Variants in PDSS2 observed in about 807,000 individuals in gnomAD.
PDSS2 encodes the protein decaprenyl diphosphate synthase subunit 2, also known as all trans-polyprenyl-diphosphate synthase PDSS2.
A neutral mutation model predicts 44.5 loss-of-function variants in PDSS2; 31 were observed. The observed-to-expected ratio is 0.70, with a 90% confidence interval of 0.52 to 0.94. The LOEUF is 0.94. Ranked by LOEUF, PDSS2 falls within the 40% of genes least tolerant of loss-of-function variation. The pLI, the probability that PDSS2 is intolerant of heterozygous loss-of-function variation, is 0.00. For missense variants in PDSS2, 452 were observed against 482.2 expected (o/e 0.94, Z 0.59); for synonymous variants, 157 against 180.3 (o/e 0.87, Z 1.03).
chr6:107,360,035 C>T (rs943051791), intron 1 of PDSS2, among the ~76,000 whole-genome samples: 2 of 152,114 alleles, frequency 1.3e-5, no homozygotes, highest in Non-Finnish European at 2.9e-5. Flanking sequence ...ATCCAGTGAC[C>T]TAGGAGCATT....
At chr6:107,261,158 A>C (rs1775208728) in intron 3 of PDSS2, among the ~76,000 whole-genome samples, 1 of 152,126 alleles carries the variant, frequency 6.6e-6, no homozygotes. Context: ...GCAGCTGCCT[A>C]TCTCTTCTCC....
chr6:107,288,765 T>G (rs1776243871), intron 2 of PDSS2, among the ~76,000 whole-genome samples: 1 of 144,690 alleles, frequency 6.9e-6, no homozygotes, highest in Admixed American at 6.9e-5. Flanking sequence ...TTTTTTTTTT[T>G]TTTTTTTTTT....
At chr6:107,322,059 T>C (rs890452546) in intron 2 of PDSS2, among the ~76,000 whole-genome samples, 1 of 152,234 alleles carries the variant, frequency 6.6e-6, no homozygotes, top group South Asian at 2.1e-4. Context: ...CCTACACTCT[T>C]GCACATACCC....
At position 107,237,587 on chromosome 6, in the gene PDSS2, G is replaced by A. The variant is rs144728065; in HGVS notation, c.702+7961C>T. On this transcript the variant is annotated intron_variant, in intron 4 of 7. Coordinates refer to ENST00000369037, the MANE Select transcript of PDSS2 (RefSeq NM_020381.4). ...CTTTACTTGAAAGCTGCCTGAGAGC[G>A]AAAGGAACATAAGCATAAAGAAAAA... Among the ~76,000 whole-genome samples the A allele has an allele frequency of 2.8e-3, 426 of 151,338 alleles. 2 individuals are homozygous for A. Among genetic ancestry groups the A allele is most frequent in the African/African-American group, 9.0e-3 (373 of 41,258 alleles).
At position 107,153,187 on chromosome 6, in the gene PDSS2, C is replaced by T. The variant is rs541800250; in HGVS notation, c.*1432G>A. On this transcript the variant is annotated 3_prime_UTR_variant, in exon 8 of 8. Coordinates refer to ENST00000369037, the MANE Select transcript of PDSS2 (RefSeq NM_020381.4). ...GGTAATAAAATCTGTTTGCTGTATT[C>T]GCTGTCTCCAGATAGGGCTGTAATT... is the stretch of plus-strand genomic sequence containing the variant. 4 of 152,630 alleles carry T rather than the reference C, an allele frequency of 2.6e-5. No homozygotes were observed. Among genetic ancestry groups the T allele is most frequent in the East Asian group, 1.9e-4 (1 of 5,182 alleles). The allele number at this position is 152,630 out of a possible 1,614,324, so 9.5% of individuals were successfully genotyped here.
At chr6:107,326,437 C>T (rs1412253974) in intron 2 of PDSS2, among the ~76,000 whole-genome samples, 3 of 152,030 alleles carry the variant, frequency 2.0e-5, no homozygotes, top group Admixed American at 2.0e-4. Flanking sequence ...TTTAAAAGCA[C>T]ATAGAGGACA....
intron 7 of PDSS2, among the ~76,000 whole-genome samples, chr6:107,177,878 G>T (rs1771848502): frequency 6.6e-6 from 1 of 152,122 alleles, no homozygotes; most frequent in Non-Finnish European, 1.5e-5. Flanking sequence ...TAATTAAAAA[G>T]AATACTGTGG....
intron 4 of PDSS2, among the ~76,000 whole-genome samples, chr6:107,243,019 A>G (rs906932528): frequency 6.6e-6 from 1 of 152,240 alleles, no homozygotes; most frequent in Non-Finnish European, 1.5e-5. Context: ...GTATTTAAAT[A>G]AAGTCAGCAA....
At chr6:107,157,705 C>G (rs1770955309) in intron 7 of PDSS2, among the ~76,000 whole-genome samples, 1 of 151,798 alleles carries the variant, frequency 6.6e-6, no homozygotes, top group Non-Finnish European at 1.5e-5. Flanking sequence ...GAGTCTCCCT[C>G]TATCACCCAG....
At chr6:107,210,371 A>T in intron 6 of PDSS2, 68 bp downstream of exon 6, 2 of 1,167,790 alleles carry the variant, frequency 1.7e-6, no homozygotes, top group Non-Finnish European at 2.6e-6. Flanking sequence ...ATCACCAAGA[A>T]ATATCAATTA....
intron 4 of PDSS2, among the ~76,000 whole-genome samples, chr6:107,229,528 A>T (rs566452311): frequency 4.4e-4 from 67 of 151,764 alleles, no homozygotes; most frequent in Non-Finnish European, 7.4e-4. Context: ...TTCAATATAA[A>T]CCCCCTTCTA....
At chr6:107,309,674 G>A (rs1017429400) in intron 2 of PDSS2, among the ~76,000 whole-genome samples, 6 of 152,270 alleles carry the variant, frequency 3.9e-5, no homozygotes, top group African/African-American at 4.8e-5. Flanking sequence ...CTGTCATTGC[G>A]AATCCTTGAT....
At position 107,218,237 on chromosome 6, in the gene PDSS2, G is replaced by A. The variant is rs568216399; in HGVS notation, c.703-5955C>T. ...TTATTTGACTTTGACAAAGGTTACA[G>A]TCTGTTGTTCACCCAACTGCCAGGG... On this transcript the variant is annotated intron_variant, in intron 4 of 7. Coordinates refer to ENST00000369037, the MANE Select transcript of PDSS2 (RefSeq NM_020381.4). 2.6e-5 allele frequency among the ~76,000 whole-genome samples: 4 copies of A among 152,276 alleles called. No homozygotes were observed. In the South Asian group the frequency reaches 8.3e-4, roughly 32 times the overall value.
chr6:107,354,678 G>A (rs1282680687), intron 1 of PDSS2, among the ~76,000 whole-genome samples: 3 of 152,134 alleles, frequency 2.0e-5, no homozygotes, highest in African/African-American at 7.2e-5. Context: ...AGTAGGCTGG[G>A]GCTCCCCAGG....
At chr6:107,208,601 G>C (rs1773087974) in intron 6 of PDSS2, among the ~76,000 whole-genome samples, 1 of 148,332 alleles carries the variant, frequency 6.7e-6, no homozygotes, top group Admixed American at 6.9e-5. Flanking sequence ...ACCACACCTG[G>C]CCTGTGACTT....
intron 4 of PDSS2, among the ~76,000 whole-genome samples, chr6:107,238,914 A>C (rs1194101371): frequency 6.6e-6 from 1 of 152,082 alleles, no homozygotes; most frequent in Non-Finnish European, 1.5e-5. Flanking sequence ...TTTTTTAAGC[A>C]AATAGTATGA....
At position 107,399,165 on chromosome 6, in the gene PDSS2, C is replaced by T. The variant is rs546596875; in HGVS notation, c.296+59825G>A. ...GATAATATTACTATCCTCACTAAGTCACACAGCTGGCTAGTTAGCAGTGAA... is the reference window on the plus strand; with the variant it reads ...GATAATATTACTATCCTCACTAAGTTACACAGCTGGCTAGTTAGCAGTGAA... On this transcript the variant is annotated intron_variant, in intron 1 of 7. Coordinates refer to ENST00000369037, the MANE Select transcript of PDSS2 (RefSeq NM_020381.4). Among the ~76,000 whole-genome samples the T allele has an allele frequency of 3.9e-5, 6 of 152,290 alleles. No individual in the cohort carries two copies. In the East Asian group the frequency reaches 1.2e-3, roughly 29 times the overall value.
chr6:107,209,562 C>CTTTTTTTT (rs543768033), intron 6 of PDSS2, among the ~76,000 whole-genome samples: 1 of 126,192 alleles, frequency 7.9e-6, no homozygotes, highest in African/African-American at 2.9e-5. Flanking sequence ...AGGCTCTAAG[C>CTTTTTTTT]TTTTTTTTTT....
chr6:107,212,527 G>A lies in PDSS2; in HGVS notation c.703-245C>T, dbSNP rs116371449. ...AAAGCAAATTTTATTCTAAGCTAGG[G>A]AACTTCTATTAAAATATACCCTACA... On this transcript the variant is annotated intron_variant, in intron 4 of 7. Coordinates refer to ENST00000369037, the MANE Select transcript of PDSS2 (RefSeq NM_020381.4). Among the ~76,000 whole-genome samples, 234 of 152,184 alleles carry A rather than the reference G, an allele frequency of 1.5e-3. 1 individual carries two copies. The highest frequency in any genetic ancestry group is 5.1e-3 in the African/African-American group (210 of 41,522).
Sources: gnomAD v4.1 joint callset for allele counts (sites outside exome capture counted in the v4.1 genomes callset) on GRCh38, gnomAD v4.1.1 for gene constraint, MANE v1.5 for transcripts, NCBI Gene and HGNC (gene_info 2026-07-23, HGNC 2026-07-21) for gene names.